The following ARHGEF37 variants were observed in gnomAD, a reference collection of about 807,000 sequenced individuals.
The protein encoded by ARHGEF37 is Rho guanine nucleotide exchange factor 37.
Under a neutral mutation model 71.1 loss-of-function variants are expected in ARHGEF37, and 55 were observed. That is an observed-to-expected ratio of 0.77 (90% CI 0.62 to 0.97). The LOEUF (loss-of-function observed/expected upper bound fraction) is 0.97. ARHGEF37 is among the 50% of genes least tolerant of loss of function. ARHGEF37 has a pLI of 0.00. For synonymous variants in ARHGEF37, 327 were observed against 350.6 expected (o/e 0.93, Z 0.75); for missense variants, 765 against 836.8 (o/e 0.91, Z 1.06).
intron 12 of ARHGEF37, 39 bp from the exon 13 acceptor site, chr5:149,631,943 C>T (rs1266526932): frequency 3.4e-5 from 55 of 1,604,178 alleles, no homozygotes; most frequent in Non-Finnish European, 4.7e-5. Flanking sequence ...TCTACCTTCT[C>T]ACCCTGACCA....
chr5:149,620,071 T>C (rs1446818098), intron 7 of ARHGEF37, among the ~76,000 whole-genome samples: 1 of 109,548 alleles, frequency 9.1e-6, no homozygotes, highest in Non-Finnish European at 1.9e-5. Flanking sequence ...AGACTCTGTC[T>C]CAAAAAAAAA....
intron 1 of ARHGEF37, among the ~76,000 whole-genome samples, chr5:149,571,674 ACT>A: frequency 6.6e-6 from 1 of 152,146 alleles, no homozygotes; most frequent in African/African-American, 2.4e-5. Flanking sequence ...TAAACCTAAC[ACT>A]CTGGGAGACC....
At chr5:149,588,738 C>T (rs1388095370) in intron 1 of ARHGEF37, among the ~76,000 whole-genome samples, 1 of 151,998 alleles carries the variant, frequency 6.6e-6, no homozygotes, top group African/African-American at 2.4e-5. Context: ...TGGGCTCCTC[C>T]TGGGAGTAAG....
intron 1 of ARHGEF37, among the ~76,000 whole-genome samples, chr5:149,566,841 T>TATATAA (rs1306133933): frequency 6.6e-6 from 1 of 152,222 alleles, no homozygotes; most frequent in Admixed American, 6.5e-5. Context: ...TTTATATGTA[T>TATATAA]ATATGTGTGT....
intron 2 of ARHGEF37, among the ~76,000 whole-genome samples, chr5:149,598,724 A>G (rs1763649262): frequency 6.9e-6 from 1 of 145,396 alleles, no homozygotes; most frequent in Non-Finnish European, 1.5e-5. Context: ...AGAATTCCAG[A>G]AAAAATAAAT....
chr5:149,600,354 G>T (rs1763714486), intron 2 of ARHGEF37, among the ~76,000 whole-genome samples: 1 of 152,192 alleles, frequency 6.6e-6, no homozygotes, highest in Non-Finnish European at 1.5e-5. Flanking sequence ...TTGAATGTGT[G>T]TCCAGCACAT....
intron 1 of ARHGEF37, among the ~76,000 whole-genome samples, chr5:149,596,670 T>C (rs1218474813): frequency 6.6e-6 from 1 of 151,786 alleles, no homozygotes; most frequent in Non-Finnish European, 1.5e-5. Context: ...GTGCAGCTGG[T>C]GGGAGTGAGA....
Position 149,619,022 on chromosome 5 carries a change from G to A in ARHGEF37, c.874G>A (p.Ala292Thr), listed in dbSNP as rs756370096. 2 of 1,614,164 alleles carry A rather than the reference G, an allele frequency of 1.2e-6. No individual in the cohort carries two copies. The highest frequency in any genetic ancestry group is 1.1e-5 in the South Asian group (1 of 91,084). ...GACTGAGCTGAAGAACAACGTGGCTGCTTACCTGGACAATCTGCAGGTGAG... is the reference window on the plus strand; with the variant it reads ...GACTGAGCTGAAGAACAACGTGGCTACTTACCTGGACAATCTGCAGGTGAG... ...CVTELKNNVA[A>T]YLDNLQAFLY... is the part of the protein sequence containing the mutation. The change falls in exon 7 of 13, where the codon GCT becomes ACT. Residue 292 changes from alanine (A) to threonine (T), a missense_variant. Ala to Thr is a moderately conservative substitution (Grantham distance 58). Around this residue, in one of 5 missense-constraint regions of ARHGEF37, gnomAD observed 167 missense variants for 173.3 expected, o/e 0.96. Transcript: ENST00000333677.
chr5:149,626,852 T>C (rs2113388354), intron 10 of ARHGEF37: 1 of 403,574 alleles, frequency 2.5e-6, no homozygotes, highest in East Asian at 3.6e-5. Context: ...ATTGGAATTT[T>C]AGAGAATCCC....
At chr5:149,552,871 G>T (rs1437475181) in intron 1 of ARHGEF37, among the ~76,000 whole-genome samples, 1 of 151,970 alleles carries the variant, frequency 6.6e-6, no homozygotes, top group East Asian at 1.9e-4. Flanking sequence ...AGAAAAATGT[G>T]AAGAATTTTA....
intron 4 of ARHGEF37, among the ~76,000 whole-genome samples, chr5:149,612,667 A>G (rs1420773631): frequency 1.3e-5 from 2 of 152,146 alleles, no homozygotes; most frequent in Admixed American, 1.3e-4. Flanking sequence ...GTTCAGGGGG[A>G]CATATGAGAC....
chr5:149,597,605 A>T (rs544992402), intron 1 of ARHGEF37, among the ~76,000 whole-genome samples, 154 bp from the exon 2 acceptor site: 1 of 152,320 alleles, frequency 6.6e-6, no homozygotes, highest in African/African-American at 2.4e-5. Flanking sequence ...TTGTTCAGGT[A>T]CTGCCTACAA....
intron 9 of ARHGEF37, among the ~76,000 whole-genome samples, chr5:149,623,332 G>A (rs1049417929): frequency 6.6e-6 from 1 of 152,194 alleles, no homozygotes; most frequent in Non-Finnish European, 1.5e-5. Flanking sequence ...CAAGCATGGG[G>A]ACTGGGACTG....
chr5:149,604,687 T>C (rs1236124830), intron 3 of ARHGEF37, among the ~76,000 whole-genome samples: 3 of 97,414 alleles, frequency 3.1e-5, no homozygotes, highest in African/African-American at 7.9e-5. Context: ...TTTTTTTTTT[T>C]TTTTTTTTTT....
chr5:149,581,850 A>G (rs1276746239), intron 1 of ARHGEF37, among the ~76,000 whole-genome samples: 1 of 152,176 alleles, frequency 6.6e-6, no homozygotes, highest in Non-Finnish European at 1.5e-5. Context: ...CAGGTGGGAA[A>G]CTGAGGCCCA....
In ARHGEF37 at chr5:149,597,820, C is replaced by G; in HGVS notation, c.51C>G (p.Asp17Glu). Residue 17 changes from aspartate to glutamate, a missense_variant, in exon 2 of 13, where the codon GAC (aspartate) becomes GAG (glutamate). Asp to Glu is a conservative substitution (Grantham distance 45, BLOSUM62 2). Coordinates refer to ENST00000333677, the MANE Select transcript of ARHGEF37 (RefSeq NM_001001669.3). ...CATCCTCCAGGTCAGGGAGTCCGGACAGGGAAGGTAGGGCCTCTGAGGACA... is the reference window on the plus strand; with the variant it reads ...CATCCTCCAGGTCAGGGAGTCCGGAGAGGGAAGGTAGGGCCTCTGAGGACA... ...DEPSSRSGSP[D>E]REGRASEDRS... 6.3e-7 allele frequency: 1 copy of G among 1,599,148 alleles called. No individual in the cohort carries two copies. The highest frequency in any genetic ancestry group is 2.3e-5 in the East Asian group (1 of 43,726).
At position 149,565,113 on chromosome 5, in the gene ARHGEF37, C is replaced by T. The variant is rs77394904; in HGVS notation, c.-12+12990C>T. 0.016 allele frequency among the ~76,000 whole-genome samples: 2,456 copies of T among 152,252 alleles called. 267 individuals are homozygous for T. The East Asian group carries it at 0.32, about 20-fold the overall frequency. On this transcript the variant is annotated intron_variant, in intron 1 of 2. Coordinates refer to the ARHGEF37 transcript ENST00000505810. ...GGCAAGTGTTAGGAGATTGAGCAAA[C>T]CTGTGGTGCTTTCAGAACAAGGTAA...
Position 149,620,378 on chromosome 5 carries a change from G to A in ARHGEF37, c.919G>A (p.Glu307Lys), listed in dbSNP as rs752176680. ...LQAFLYFRPH[E>K]YNLDIPEGPA... Reference sequence around the variant, plus strand: ...GGCTTTCCTCTACTTCAGGCCGCACGAATACAATCTGGACATCCCCGAGGG... The same window carrying A: ...GGCTTTCCTCTACTTCAGGCCGCACAAATACAATCTGGACATCCCCGAGGG... The change falls in exon 8 of 13, where the codon GAA becomes AAA. Residue 307 changes from glutamate (E) to lysine (K), a missense_variant. By Grantham distance (56) the Glu-to-Lys change is moderately conservative. Around this residue, in one of 5 missense-constraint regions of ARHGEF37, gnomAD observed 167 missense variants for 173.3 expected, o/e 0.96. Coordinates refer to ENST00000333677, the MANE Select transcript of ARHGEF37 (RefSeq NM_001001669.3). 15 of 1,612,070 alleles carry A rather than the reference G, an allele frequency of 9.3e-6. No individual in the cohort carries two copies. Among genetic ancestry groups the A allele is most frequent in the East Asian group, 2.2e-5 (1 of 44,628 alleles).
Position 149,598,737 on chromosome 5 carries a change from C to CATATATATATATATATATATAT in ARHGEF37, c.186+794_186+795insATATATATATATATATATATAT, listed in dbSNP as rs201234693. Among the ~76,000 whole-genome samples the CATATATATATATATATATATAT allele has an allele frequency of 1.4e-3, 144 of 104,456 alleles. 3 individuals carry two copies. Among genetic ancestry groups the CATATATATATATATATATATAT allele is most frequent in the African/African-American group, 5.0e-3 (142 of 28,398 alleles). The allele number at this position is 104,456 out of a possible 152,430, so 68.5% of individuals were successfully genotyped here. On this transcript the variant is annotated intron_variant, in intron 2 of 12. Coordinates refer to ENST00000333677, the MANE Select transcript of ARHGEF37 (RefSeq NM_001001669.3). ...ACAGAATTCCAGAAAAAATAAATCT[C>CATATATATATATATATATATAT]ATATATATATATCTATATATAGATA...
Sources: gnomAD v4.1 joint callset for allele counts (sites outside exome capture counted in the v4.1 genomes callset) on GRCh38, gnomAD v4.1.1 for gene constraint, gnomAD v4.1.1 regional missense constraint, MANE v1.5 for transcripts, NCBI Gene and HGNC (gene_info 2026-07-23, HGNC 2026-07-21) for gene names.